The following DENND3 variants were observed in gnomAD, a reference collection of about 807,000 sequenced individuals.
The protein encoded by DENND3 is DENN domain containing 3.
A neutral mutation model predicts 135.1 loss-of-function variants in DENND3; 88 were observed. The observed-to-expected ratio is 0.65, with a 90% CI of 0.55 to 0.78. DENND3 has a LOEUF of 0.78. Ranked by LOEUF, DENND3 falls within the 30% of genes least tolerant of loss-of-function variation. The pLI is 0.00. For missense variants in DENND3, 1,392 were observed against 1,688.4 expected, an observed-to-expected ratio of 0.82 and a Z score of 3.08; for synonymous variants, 693 against 712.3, an observed-to-expected ratio of 0.97 and a Z score of 0.43.
In DENND3 at chr8:141,141,904, C is replaced by T. The variant is rs2154612781; in HGVS notation, c.623+580C>T. On this transcript the variant is annotated intron_variant, in intron 4 of 22. Transcript: ENST00000519811. The surrounding 1 kb of genome is among the most constrained non-coding windows in gnomAD (Gnocchi z 5.3). ...AAAAACAATTTAAAAACTAGTTGGG[C>T]ATGGTGGTGTGTGCCTGTAGTCCCA... The T allele has an allele frequency of 1.0e-5, 2 of 190,852 alleles. No homozygotes were observed. The highest frequency in any genetic ancestry group is 8.1e-5 in the South Asian group (1 of 12,274). The allele number at this position is 190,852 out of a possible 1,614,324, so 11.8% of individuals were successfully genotyped here. A position where few individuals can be genotyped will look rare whatever the true frequency, so the allele number is the denominator to read the frequency against.
In DENND3 at chr8:141,166,788, C is replaced by G. The variant is rs539968434; in HGVS notation, c.1753+399C>G. ...TGAAGGAGCCCAGTGCCCCTGCCCTCGTGGAGCTGGCATTCCAGGGCCAGG... is the reference window on the plus strand; with the variant it reads ...TGAAGGAGCCCAGTGCCCCTGCCCTGGTGGAGCTGGCATTCCAGGGCCAGG... On this transcript the variant is annotated intron_variant, in intron 12 of 22. Coordinates refer to ENST00000519811, the MANE Select transcript of DENND3 (RefSeq NM_001352890.3). This position sits in a 1 kb window ranked among gnomAD's most constrained non-coding sequence, Gnocchi z 4.3. Among the ~76,000 whole-genome samples, 3 of 152,186 alleles carry G rather than the reference C, an allele frequency of 2.0e-5. No homozygotes were observed. Among genetic ancestry groups the G allele is most frequent in the Non-Finnish European group, 4.4e-5 (3 of 68,038 alleles).
rs1441011745 is a variant in DENND3 at position 141,137,345 on chromosome 8, A to C, written c.385+554A>C. ...GCGTGTGGTCCCGGTGTTTTGGAGA[A>C]TTGAGTCCTGGAAGGGAGTCTGCAT... is the stretch of plus-strand genomic sequence containing the variant. On this transcript the variant is annotated intron_variant, in intron 2 of 22. Coordinates refer to ENST00000519811, the MANE Select transcript of DENND3 (RefSeq NM_001352890.3). This position sits in a 1 kb window ranked among gnomAD's most constrained non-coding sequence, Gnocchi z 4.1. Among the ~76,000 whole-genome samples, 2 of 152,250 alleles carry C rather than the reference A, an allele frequency of 1.3e-5. No individual in the cohort carries two copies. Among genetic ancestry groups the C allele is most frequent in the Non-Finnish European group, 2.9e-5 (2 of 68,048 alleles).
chr8:141,176,489 C>A, intron 14 of DENND3, 102 bp from the exon 15 acceptor site: 1 of 1,419,466 alleles, frequency 7.0e-7, no homozygotes, highest in Non-Finnish European at 9.8e-7. Flanking sequence ...TGCCTGCAGC[C>A]CATCTGCCTC....
chr8:141,140,069 GC>G (rs1284121132), intron 3 of DENND3, among the ~76,000 whole-genome samples: 1 of 152,050 alleles, frequency 6.6e-6, no homozygotes, highest in African/African-American at 2.4e-5. Context: ...GCACCACCAT[GC>G]CCGGCTAATT....
chr8:141,151,377 T>C (rs914257958), intron 6 of DENND3, among the ~76,000 whole-genome samples: 2 of 152,112 alleles, frequency 1.3e-5, no homozygotes, highest in Non-Finnish European at 2.9e-5. Context: ...CTGAGCAACA[T>C]AGGGAGACCT....
rs1225952483 is a variant in DENND3 at position 141,166,198 on chromosome 8, G to T, written c.1562G>T (p.Gly521Val). 6.2e-7 allele frequency: 1 copy of T among 1,614,158 alleles called. No homozygotes were observed. The highest frequency in any genetic ancestry group is 8.5e-7 in the Non-Finnish European group (1 of 1,180,032). ...DTQSEEDRINGMLLSPRRPTV... is the reference protein window; with the variant it reads ...DTQSEEDRINVMLLSPRRPTV... ...GCTTTTTCGTACCCCAGAATAAATGGAATGCTTCTAAGTCCAAGGAGACCG... is the reference window on the plus strand; with the variant it reads ...GCTTTTTCGTACCCCAGAATAAATGTAATGCTTCTAAGTCCAAGGAGACCG... The change falls in exon 12 of 23, where the codon GGA (glycine) becomes GTA (valine). Residue 521 changes from glycine (G) to valine (V), a missense_variant. Coordinates refer to ENST00000519811, the MANE Select transcript of DENND3 (RefSeq NM_001352890.3). The surrounding 1 kb of genome is among the most constrained non-coding windows in gnomAD (Gnocchi z 4.3).
intron 13 of DENND3, among the ~76,000 whole-genome samples, chr8:141,169,833 T>C (rs886230448): frequency 1.3e-5 from 2 of 152,224 alleles, no homozygotes; most frequent in African/African-American, 4.8e-5. Context: ...TCCACATCCG[T>C]TGGGTTCATT....
chr8:141,184,079 C>A (rs966369774), intron 17 of DENND3, among the ~76,000 whole-genome samples: 1 of 152,224 alleles, frequency 6.6e-6, no homozygotes, highest in African/African-American at 2.4e-5. Context: ...TTGCCATCTT[C>A]ATGGCCGGAC....
At chr8:141,170,371 A>G (rs536071872) in intron 13 of DENND3, among the ~76,000 whole-genome samples, 115 of 151,782 alleles carry the variant, frequency 7.6e-4, no homozygotes, top group Non-Finnish European at 1.4e-3. Flanking sequence ...ATGAGTGTGT[A>G]TGTGTGTATA....
chr8:141,178,185 T>G lies in DENND3; in HGVS notation c.2825T>G (p.Met942Arg). ...AASKLSYFDK[M>R]SNEMPMTLPE... ...TCCAAGTTATCCTACTTTGATAAGA[T>G]GAGTAACGAAAGTAAGATAAGCCCG... Residue 942 changes from methionine to arginine, a missense_variant, in exon 16 of 23, where the codon ATG becomes AGG. Met to Arg is a moderately conservative substitution (Grantham distance 91, BLOSUM62 -1). Coordinates refer to ENST00000519811, the MANE Select transcript of DENND3 (RefSeq NM_001352890.3). 6.2e-7 allele frequency: 1 copy of G among 1,610,020 alleles called. No homozygotes were observed.
At position 141,182,501 on chromosome 8, in the gene DENND3, C is replaced by G. The variant is rs773561293; in HGVS notation, c.2944+1647C>G. 1.0e-6 allele frequency: 1 copy of G among 985,250 alleles called. No homozygotes were observed. The highest frequency in any genetic ancestry group is 1.2e-6 in the Non-Finnish European group (1 of 829,828). The allele number at this position is 985,250 out of a possible 1,614,324, so 61.0% of individuals were successfully genotyped here. A position where few individuals can be genotyped will look rare whatever the true frequency, so the allele number is the denominator to read the frequency against. On this transcript the variant is annotated intron_variant, in intron 17 of 22. Coordinates refer to ENST00000519811, the MANE Select transcript of DENND3 (RefSeq NM_001352890.3). This position sits in a 1 kb window ranked among gnomAD's most constrained non-coding sequence, Gnocchi z 5.9. ...TTTGAATACATGGTATTTTTAGGTC[C>G]CGGTTGGTTTCCCTGAAATGAAACT...
intron 5 of DENND3, among the ~76,000 whole-genome samples, chr8:141,149,861 G>T (rs1589584645): frequency 1.3e-5 from 2 of 152,244 alleles, no homozygotes; most frequent in South Asian, 4.1e-4. Context: ...CCACCACCAA[G>T]AAATTACCAC....
chr8:141,190,875 G>C (rs1824644419), intron 20 of DENND3, among the ~76,000 whole-genome samples: 1 of 152,228 alleles, frequency 6.6e-6, no homozygotes, highest in Non-Finnish European at 1.5e-5. Context: ...CGTGGACCCA[G>C]ACTGGGGATT....
In DENND3 at chr8:141,190,357, T is replaced by C; in HGVS notation, c.3319T>C (p.Phe1107Leu). ...GAGCACACTGCAGGTGACCAGCCGC[T>C]TCCAGCTGCCGCGAGGTGGCCTGAC... ...NVSTLQVTSR[F>L]QLPRGGLTSI... The change falls in exon 20 of 23, where the codon TTC (phenylalanine) becomes CTC (leucine). Residue 1107 changes from phenylalanine to leucine, a missense_variant. Physicochemically the swap from Phe to Leu is conservative, Grantham distance 22. Transcript: ENST00000519811. 6.2e-7 allele frequency: 1 copy of C among 1,613,356 alleles called. No individual in the cohort carries two copies. The highest frequency in any genetic ancestry group is 8.5e-7 in the Non-Finnish European group (1 of 1,179,876).
chr8:141,185,521 A>T (rs1030048402), intron 18 of DENND3: 7 of 454,716 alleles, frequency 1.5e-5, no homozygotes, highest in East Asian at 7.8e-5. Context: ...ATCTAAAAAC[A>T]GATTTCAGGC....
intron 11 of DENND3, 151 bp downstream of exon 11, chr8:141,165,440 C>T: frequency 3.7e-6 from 2 of 542,110 alleles, no homozygotes; most frequent in Non-Finnish European, 6.5e-6. Flanking sequence ...CTAGGAAGCT[C>T]TTCTCTCCAT....
intron 10 of DENND3, among the ~76,000 whole-genome samples, chr8:141,164,940 G>T (rs1014904210): frequency 2.0e-5 from 3 of 152,246 alleles, no homozygotes; most frequent in African/African-American, 7.2e-5. Flanking sequence ...ACCTCTTGTA[G>T]CTATGATGAA....
At chr8:141,160,503 C>T in intron 8 of DENND3, 129 bp from the exon 9 acceptor site, 3 of 1,194,168 alleles carry the variant, frequency 2.5e-6, no homozygotes, top group Non-Finnish European at 2.2e-6. Context: ...TTAATGACCA[C>T]CCGCCCCTCA....
intron 10 of DENND3, 130 bp downstream of exon 10, chr8:141,163,559 C>G (rs1361702271): frequency 1.7e-5 from 9 of 544,456 alleles, no homozygotes; most frequent in Non-Finnish European, 2.9e-5. Flanking sequence ...TAGCATGGTT[C>G]CTTTTGACCA....
Sources: gnomAD v4.1 joint callset for allele counts (sites outside exome capture counted in the v4.1 genomes callset) on GRCh38, gnomAD v4.1.1 for gene constraint, Gnocchi (gnomAD v3.1) non-coding constraint, MANE v1.5 for transcripts, NCBI Gene and HGNC (gene_info 2026-07-23, HGNC 2026-07-21) for gene names.